RPS6KC1: variants seen among roughly 807,000 people sequenced by gnomAD.
The protein encoded by RPS6KC1 is inactive ribosomal protein S6 kinase delta-1.
In RPS6KC1, 54 loss-of-function variants were observed where a neutral mutation model predicts 103.8. The ratio of observed to expected loss-of-function variants is 0.52; its 90% CI spans 0.42 to 0.65. The LOEUF (loss-of-function observed/expected upper bound fraction) is 0.65, where lower values mean the gene tolerates loss of function less well. RPS6KC1 is among the 30% of genes least tolerant of loss of function. The pLI, the probability that RPS6KC1 is intolerant of heterozygous loss-of-function variation, is 0.00. For missense variants in RPS6KC1, 1,151 were observed against 1,253.8 expected, an observed-to-expected ratio of 0.92 and a Z score of 1.24; for synonymous variants, 439 against 438.7, an observed-to-expected ratio of 1.00 and a Z score of -0.01.
intron 5 of RPS6KC1, among the ~76,000 whole-genome samples, chr1:213,126,878 T>C (rs1014528799): frequency 4.6e-5 from 7 of 152,086 alleles, no homozygotes; most frequent in Non-Finnish European, 5.9e-5. Context: ...GCCTAAAATA[T>C]TTACTTTCTG....
rs1032281114 is a variant in RPS6KC1 at position 213,272,750 on chromosome 1, C to A, written c.*116C>A. On this transcript the variant is annotated 3_prime_UTR_variant, in exon 15 of 15. Coordinates refer to ENST00000366960, the MANE Select transcript of RPS6KC1 (RefSeq NM_012424.6). ...GAGCACCAAAGCATTTGGATAAAGA[C>A]CGTTATAGGAAATGGGGGGGAAATG... is the stretch of plus-strand genomic sequence containing the variant. The A allele has an allele frequency of 1.7e-5, 12 of 702,174 alleles. No homozygotes were observed. Among genetic ancestry groups the A allele is most frequent in the Non-Finnish European group, 2.5e-5 (10 of 401,474 alleles). 43.5% of individuals were successfully genotyped at this position (702,174 alleles called of 1,614,324 possible).
At chr1:213,407,911 C>T in the RPS6KC1 span, among the ~76,000 whole-genome samples, 11 of 152,252 alleles carry the variant, frequency 7.2e-5, no homozygotes, top group African/African-American at 2.4e-4. Context: ...TTTAGTTTTG[C>T]TCATGGTTGT....
the RPS6KC1 span, among the ~76,000 whole-genome samples, chr1:213,646,478 A>G: frequency 2.6e-5 from 4 of 152,134 alleles, no homozygotes; most frequent in African/African-American, 9.7e-5. Flanking sequence ...TGGTGTTTAA[A>G]TTTAAGTTGA....
At chr1:213,783,961 T>C in the RPS6KC1 span, among the ~76,000 whole-genome samples, 1 of 152,138 alleles carries the variant, frequency 6.6e-6, no homozygotes, top group Non-Finnish European at 1.5e-5. Flanking sequence ...CCTTGAGAAG[T>C]TCCTTTTTGT....
intron 3 of RPS6KC1, 66 bp from the exon 4 acceptor site, chr1:213,104,388 C>A: frequency 1.9e-6 from 2 of 1,041,216 alleles, no homozygotes; most frequent in Non-Finnish European, 2.9e-6. Context: ...GATCTGTGGA[C>A]GTAAACTATC....
the RPS6KC1 span, among the ~76,000 whole-genome samples, chr1:213,532,035 A>G: frequency 6.6e-6 from 1 of 152,194 alleles, no homozygotes; most frequent in Non-Finnish European, 1.5e-5. Context: ...GAGAGTCAAC[A>G]GGTGTGAACA....
chr1:213,359,039 A>T, the RPS6KC1 span, among the ~76,000 whole-genome samples: 3 of 152,148 alleles, frequency 2.0e-5, no homozygotes, highest in Non-Finnish European at 2.9e-5. Flanking sequence ...TCTGTTGATT[A>T]GGGGTGGAGA....
At chr1:213,088,167 A>G (rs1467594419) in intron 3 of RPS6KC1, among the ~76,000 whole-genome samples, 1 of 152,112 alleles carries the variant, frequency 6.6e-6, no homozygotes, top group Non-Finnish European at 1.5e-5. Flanking sequence ...TGGTTCAACG[A>G]TGGCCCAGGG....
rs1301889601 is a variant in RPS6KC1, at chr1:213,216,371, C to T, written c.1045-14126C>T. ...TACAGGAGCACCCAGATTCATAAAG[C>T]AAGTCCTTCGAGACCTACAAAGAGA... On this transcript the variant is annotated intron_variant, in intron 8 of 14. Transcript: ENST00000366960. Among the ~76,000 whole-genome samples the T allele has an allele frequency of 1.3e-5, 2 of 152,270 alleles. 1 individual carries two copies. Among genetic ancestry groups the T allele is most frequent in the East Asian group, 3.9e-4 (2 of 5,188 alleles).
intron 8 of RPS6KC1, among the ~76,000 whole-genome samples, chr1:213,184,287 G>A (rs192090118): frequency 1.1e-3 from 163 of 152,076 alleles, no homozygotes; most frequent in Middle Eastern, 3.4e-3. Context: ...TTAGAAGAAA[G>A]AAAACTATAG....
the RPS6KC1 span, among the ~76,000 whole-genome samples, chr1:213,423,640 C>G: frequency 6.6e-6 from 1 of 152,170 alleles, no homozygotes; most frequent in Non-Finnish European, 1.5e-5. Flanking sequence ...GAGAAGCCAG[C>G]AAGAGGAAAG....
chr1:213,182,039 G>A (rs2092295509), intron 8 of RPS6KC1, among the ~76,000 whole-genome samples: 1 of 152,096 alleles, frequency 6.6e-6, no homozygotes, highest in South Asian at 2.1e-4. Context: ...AATATTTAAG[G>A]CAATTATAAA....
chr1:213,100,214 TA>T (rs1170829174), intron 3 of RPS6KC1, among the ~76,000 whole-genome samples: 2 of 152,282 alleles, frequency 1.3e-5, no homozygotes, highest in Non-Finnish European at 2.9e-5. Flanking sequence ...TGACGGCTAA[TA>T]GGCTAAAGAT....
chr1:213,586,579 T>C, the RPS6KC1 span, among the ~76,000 whole-genome samples: 1 of 152,232 alleles, frequency 6.6e-6, no homozygotes, highest in Non-Finnish European at 1.5e-5. Context: ...ATACTTTACA[T>C]TATTAGCAAA....
the RPS6KC1 span, chr1:213,817,807 T>TA: frequency 1.3e-5 from 2 of 152,166 alleles, no homozygotes; most frequent in Non-Finnish European, 1.5e-5. Flanking sequence ...TTTTTTTTTT[T>TA]TACAAATTGA....
chr1:213,545,457 A>C, the RPS6KC1 span, among the ~76,000 whole-genome samples: 55 of 151,846 alleles, frequency 3.6e-4, no homozygotes, highest in Non-Finnish European at 5.4e-4. Flanking sequence ...GAGAGAATCT[A>C]TTTCAAGTCT....
the RPS6KC1 span, among the ~76,000 whole-genome samples, chr1:213,495,720 T>A: frequency 6.6e-6 from 1 of 152,200 alleles, no homozygotes; most frequent in Admixed American, 6.5e-5. Flanking sequence ...GAGTATGGCA[T>A]TAGAGTCATT....
the RPS6KC1 span, among the ~76,000 whole-genome samples, chr1:213,642,499 A>G: frequency 2.0e-5 from 3 of 152,150 alleles, no homozygotes. Flanking sequence ...TTTCCAGGAA[A>G]GTACTAAGAA....
chr1:213,349,907 A>G, the RPS6KC1 span, among the ~76,000 whole-genome samples: 1 of 152,278 alleles, frequency 6.6e-6, no homozygotes, highest in South Asian at 2.1e-4. Flanking sequence ...TTCCTATGGT[A>G]AATATCAACA....
Sources: gnomAD v4.1 joint callset for allele counts (sites outside exome capture counted in the v4.1 genomes callset) on GRCh38, gnomAD v4.1.1 for gene constraint, MANE v1.5 for transcripts, NCBI Gene and HGNC (gene_info 2026-07-23, HGNC 2026-07-21) for gene names.